Variants in TET1 observed in about 807,000 individuals in gnomAD.
TET1 encodes methylcytosine dioxygenase TET1.
In TET1, 13 loss-of-function variants were observed where a neutral mutation model predicts 148.7. The observed-to-expected ratio is 0.09, with a 90% CI of 0.06 to 0.14. The LOEUF (loss-of-function observed/expected upper bound fraction) is 0.14. TET1 is among the 10% of genes least tolerant of loss of function. TET1 has a pLI of 1.00. For missense variants in TET1, 2,182 were observed against 2,553.8 expected (o/e 0.85, Z 3.14); for synonymous variants, 907 against 937.2 (o/e 0.97, Z 0.59).
chr10:68,580,594 C>T (rs574057378), intron 2 of TET1, among the ~76,000 whole-genome samples: 7 of 150,734 alleles, frequency 4.6e-5, no homozygotes, highest in African/African-American at 1.7e-4. Flanking sequence ...AGCCTGGCCA[C>T]ATGGTGAAAA....
chr10:68,673,089 C>T lies in TET1; in HGVS notation c.4824+44C>T, dbSNP rs778598551. On this transcript the variant is annotated intron_variant, in intron 8 of 11. Transcript: ENST00000373644. ...TCAAATAATTTATTTTTGAATTACA[C>T]ATTGAATATGTAAGTGCATTCCTTT... 5.1e-5 allele frequency: 79 copies of T among 1,558,682 alleles called. 1 individual carries two copies. In the Middle Eastern group the frequency reaches 5.4e-4, roughly 11 times the overall value.
chr10:68,570,496 G>A (rs542169892), intron 1 of TET1, among the ~76,000 whole-genome samples: 1 of 152,210 alleles, frequency 6.6e-6, no homozygotes, highest in East Asian at 1.9e-4. Flanking sequence ...ATGTCCATGA[G>A]TACCTGATAA....
At chr10:68,565,963 C>G (rs1441590181) in intron 1 of TET1, among the ~76,000 whole-genome samples, 1 of 152,180 alleles carries the variant, frequency 6.6e-6, no homozygotes, top group Admixed American at 6.6e-5. Flanking sequence ...CACATCTTCG[C>G]AATCCATGTT....
chr10:68,572,434 G>A lies in TET1; in HGVS notation c.96G>A (p.Lys32=). ...ACAGCCAACTACGAAAGACAACCAA[G>A]GGAGCCAACAAAAATGTGGCATCAG... ...KKNSQLRKTT[K]GANKNVASVK... is the part of the protein sequence containing the mutation. Residue 32 remains lysine, a synonymous_variant, in exon 2 of 12, where the codon AAG becomes AAA. Coordinates refer to ENST00000373644, the MANE Select transcript of TET1 (RefSeq NM_030625.3). The A allele has an allele frequency of 6.2e-7, 1 of 1,614,044 alleles. No individual in the cohort carries two copies. The highest frequency in any genetic ancestry group is 1.1e-5 in the South Asian group (1 of 91,062).
In TET1 at chr10:68,572,488, G is replaced by A; in HGVS notation, c.150G>A (p.Lys50=). Reference sequence around the variant, plus strand: ...AGACTTTAAGCCCTGGAAAATTAAAGCAATTAATTCAAGAAAGAGATGTTA... The same window carrying A: ...AGACTTTAAGCCCTGGAAAATTAAAACAATTAATTCAAGAAAGAGATGTTA... ...SVKTLSPGKL[K]QLIQERDVKK... is the part of the protein sequence containing the mutation. The change falls in exon 2 of 12, where the codon AAG becomes AAA. Residue 50 remains lysine (K), a synonymous_variant. Transcript: ENST00000373644. 6.2e-7 allele frequency: 1 copy of A among 1,613,974 alleles called. No homozygotes were observed.
intron 1 of TET1, among the ~76,000 whole-genome samples, chr10:68,570,722 C>T (rs950760602): frequency 4.0e-5 from 6 of 150,224 alleles, no homozygotes; most frequent in South Asian, 2.1e-4. Flanking sequence ...CTCCGCCTCC[C>T]GGGTTCACGC....
chr10:68,649,883 G>A (rs907321964), intron 4 of TET1, among the ~76,000 whole-genome samples: 5 of 152,134 alleles, frequency 3.3e-5, no homozygotes, highest in Non-Finnish European at 7.4e-5. Flanking sequence ...TCACTAACAT[G>A]TCATTAGTAA....
intron 1 of TET1, among the ~76,000 whole-genome samples, chr10:68,561,748 AATAT>A (rs35803297): frequency 1.7e-4 from 23 of 133,436 alleles, no homozygotes; most frequent in African/African-American, 5.8e-4. Context: ...CAGGCTCTTG[AATAT>A]ATATATATAT....
intron 11 of TET1, among the ~76,000 whole-genome samples, chr10:68,689,404 T>C (rs2055560110): frequency 1.3e-5 from 2 of 152,216 alleles, no homozygotes; most frequent in African/African-American, 2.4e-5. Context: ...AATAGTTTTT[T>C]AGAAGTTCAC....
At chr10:68,601,090 T>C in intron 3 of TET1, 56 bp downstream of exon 3, 1 of 1,470,436 alleles carries the variant, frequency 6.8e-7, no homozygotes, top group Non-Finnish European at 9.3e-7. Flanking sequence ...ATATAGTATT[T>C]TTCTGCACTT....
rs535541214 is a variant in TET1 at position 68,686,098 on chromosome 10, G to GT, written c.5053-257dup. Among the ~76,000 whole-genome samples, 281 of 152,144 alleles carry GT rather than the reference G, an allele frequency of 1.8e-3. 1 individual carries two copies. The highest frequency in any genetic ancestry group is 6.6e-3 in the African/African-American group (274 of 41,536). On this transcript the variant is annotated intron_variant, in intron 10 of 11. Transcript: ENST00000373644. The stretch of plus-strand genomic sequence containing the variant: ...CAAGAATGTTTAGTATCAAAAATAC[G>GT]TAAGTATTTTATAACGTTATATTTA...
At chr10:68,611,635 T>C (rs774413344) in intron 3 of TET1, among the ~76,000 whole-genome samples, 16 of 148,664 alleles carry the variant, frequency 1.1e-4, no homozygotes, top group Non-Finnish European at 2.2e-4. Flanking sequence ...CTAGGCCAAT[T>C]GTCAGAGACC....
At chr10:68,637,643 G>A (rs2054674492) in intron 3 of TET1, among the ~76,000 whole-genome samples, 1 of 151,028 alleles carries the variant, frequency 6.6e-6, no homozygotes, top group African/African-American at 2.4e-5. Flanking sequence ...TCGTGGTCGG[G>A]CACAGTGGCT....
intron 10 of TET1, among the ~76,000 whole-genome samples, chr10:68,683,562 G>A (rs564081446): frequency 1.3e-4 from 20 of 151,844 alleles, no homozygotes; most frequent in Non-Finnish European, 1.8e-4. Flanking sequence ...ACAGGTGTGA[G>A]TCACCACGCC....
chr10:68,667,882 G>T (rs1279464554), intron 7 of TET1, among the ~76,000 whole-genome samples: 1 of 152,140 alleles, frequency 6.6e-6, no homozygotes, highest in African/African-American at 2.4e-5. Context: ...GTCTTCCACA[G>T]GAGTGTCATA....
At chr10:68,593,189 G>A (rs1001808897) in intron 2 of TET1, among the ~76,000 whole-genome samples, 9 of 132,134 alleles carry the variant, frequency 6.8e-5, no homozygotes, top group Admixed American at 2.7e-4. Context: ...CTGAGATTGC[G>A]CCACTGCACT....
At chr10:68,575,302 T>G (rs192167528) in intron 2 of TET1, among the ~76,000 whole-genome samples, 2 of 152,004 alleles carry the variant, frequency 1.3e-5, no homozygotes, top group African/African-American at 4.8e-5. Flanking sequence ...GAAAATCACT[T>G]GAACCCAGGA....
chr10:68,686,657 A>G lies in TET1; in HGVS notation c.5354A>G (p.Asn1785Ser). 1 of 1,614,186 alleles carries G rather than the reference A, an allele frequency of 6.2e-7. No homozygotes were observed. The highest frequency in any genetic ancestry group is 1.1e-5 in the South Asian group (1 of 91,084). Reference sequence around the variant, plus strand: ...CCTATTCCCCGAATCAAGCGGAAGAATAACTCAACAACAACAAACAACAGT... The same window carrying G: ...CCTATTCCCCGAATCAAGCGGAAGAGTAACTCAACAACAACAAACAACAGT... ...KKPIPRIKRKNNSTTTNNSKP... is the reference protein window; with the variant it reads ...KKPIPRIKRKSNSTTTNNSKP... Residue 1785 changes from asparagine to serine, a missense_variant, in exon 11 of 12, where the codon AAT becomes AGT. Transcript: ENST00000373644.
At chr10:68,680,683 A>G (rs2055424365) in intron 8 of TET1, among the ~76,000 whole-genome samples, 1 of 152,184 alleles carries the variant, frequency 6.6e-6, no homozygotes, top group African/African-American at 2.4e-5. Flanking sequence ...AAAAAATCTG[A>G]TGTCTCTATC....
Sources: allele counts gnomAD v4.1 joint callset (sites outside exome capture counted in the v4.1 genomes callset), GRCh38; gene constraint gnomAD v4.1.1; transcripts MANE v1.5; gene names NCBI Gene and HGNC (gene_info 2026-07-23, HGNC 2026-07-21).